Variants in CERS3 observed in about 807,000 individuals in gnomAD.
The protein encoded by CERS3 is ceramide synthase 3.
CERS3 carries 33 observed loss-of-function variants against 50.3 expected under a neutral mutation model. The ratio of observed to expected loss-of-function variants is 0.66; its 90% CI spans 0.50 to 0.88. The LOEUF is 0.88. Ranked by LOEUF, CERS3 falls within the 40% of genes least tolerant of loss-of-function variation. The pLI is 0.00. For missense variants in CERS3, 470 were observed against 460.3 expected, an observed-to-expected ratio of 1.02 and a Z score of -0.19; for synonymous variants, 176 against 155.2, an observed-to-expected ratio of 1.13 and a Z score of -0.99.
At chr15:100,428,968 G>A (rs1389865075) in intron 11 of CERS3, among the ~76,000 whole-genome samples, 1 of 152,238 alleles carries the variant, frequency 6.6e-6, no homozygotes, top group Non-Finnish European at 1.5e-5. Flanking sequence ...CAGAGGCCCT[G>A]CGATGTGAGA....
chr15:100,436,482 G>A (rs983536765), intron 11 of CERS3, among the ~76,000 whole-genome samples: 3 of 152,086 alleles, frequency 2.0e-5, no homozygotes, highest in African/African-American at 7.2e-5. Context: ...GGGCTGGGGG[G>A]CAAGGGGAGG....
At position 100,501,672 on chromosome 15, in the gene CERS3, C is replaced by T; in HGVS notation, c.173+5G>A. 6.2e-7 allele frequency: 1 copy of T among 1,607,900 alleles called. No individual in the cohort carries two copies. On this transcript the variant is annotated splice_donor_5th_base_variant and intron_variant, in intron 3 of 11. Coordinates refer to ENST00000679737, the MANE Select transcript of CERS3 (RefSeq NM_001378789.1). Reference sequence around the variant, plus strand: ...ATGGGAAGGAAAGACACAAGTACTACTTACTTTTCAAATACACGTCTGATA... The same window carrying T: ...ATGGGAAGGAAAGACACAAGTACTATTTACTTTTCAAATACACGTCTGATA...
chr15:100,420,560 G>A (rs527781224), intron 11 of CERS3, among the ~76,000 whole-genome samples: 52 of 152,014 alleles, frequency 3.4e-4, no homozygotes, highest in African/African-American at 1.2e-3. Context: ...GAAAAAGAGG[G>A]AATCCTCCCT....
intron 4 of CERS3, 149 bp from the exon 5 acceptor site, chr15:100,484,817 T>C: frequency 1.6e-6 from 1 of 638,710 alleles, no homozygotes; most frequent in Non-Finnish European, 2.8e-6. Flanking sequence ...ATTTACCTCT[T>C]TTGCTTATGG....
chr15:100,495,446 G>A (rs2035782848), intron 3 of CERS3, among the ~76,000 whole-genome samples: 1 of 152,104 alleles, frequency 6.6e-6, no homozygotes, highest in Non-Finnish European at 1.5e-5. Flanking sequence ...TTGCTTTTAT[G>A]GAAGAAAGAA....
chr15:100,421,257 A>G (rs1328490278), intron 11 of CERS3, among the ~76,000 whole-genome samples: 2 of 149,102 alleles, frequency 1.3e-5, no homozygotes, highest in African/African-American at 2.5e-5. Flanking sequence ...AAATCAATGT[A>G]CAAAAATCAC....
intron 7 of CERS3, among the ~76,000 whole-genome samples, chr15:100,477,644 T>C (rs1257239197): frequency 6.6e-6 from 1 of 152,162 alleles, no homozygotes; most frequent in Non-Finnish European, 1.5e-5. Flanking sequence ...GACCATCCTA[T>C]ACATATCATA....
intron 5 of CERS3, among the ~76,000 whole-genome samples, chr15:100,483,011 G>A (rs1414618707): frequency 3.9e-5 from 6 of 152,136 alleles, no homozygotes; most frequent in Non-Finnish European, 8.8e-5. Context: ...TTTTATTCAT[G>A]GGCCCACTTA....
At chr15:100,484,407 G>C (rs2035424846) in intron 5 of CERS3, 143 bp downstream of exon 5, 1 of 619,416 alleles carries the variant, frequency 1.6e-6, no homozygotes, top group Non-Finnish European at 2.9e-6. Flanking sequence ...GCAAATATGT[G>C]AGGAGCCTAA....
intron 1 of CERS3, among the ~76,000 whole-genome samples, chr15:100,528,166 G>C (rs1035935253): frequency 6.6e-6 from 1 of 152,210 alleles, no homozygotes; most frequent in African/African-American, 2.4e-5. Flanking sequence ...ATCAGAAAAA[G>C]TAGTTTGATT....
At chr15:100,514,459 G>T (rs1434825700) in intron 2 of CERS3, among the ~76,000 whole-genome samples, 1 of 152,108 alleles carries the variant, frequency 6.6e-6, no homozygotes, top group Non-Finnish European at 1.5e-5. Context: ...AATTTTAGGA[G>T]TCACTAAAAT....
chr15:100,489,843 G>A (rs1390076640), intron 4 of CERS3, among the ~76,000 whole-genome samples: 1 of 152,226 alleles, frequency 6.6e-6, no homozygotes, highest in African/African-American at 2.4e-5. Context: ...GTTAGAGCCA[G>A]CTCTCACTTG....
intron 11 of CERS3, among the ~76,000 whole-genome samples, chr15:100,431,123 C>T (rs2033110294): frequency 6.6e-6 from 1 of 152,202 alleles, no homozygotes. Context: ...TGTTAGACCA[C>T]AAACCCTCTC....
intron 11 of CERS3, among the ~76,000 whole-genome samples, chr15:100,453,706 T>G (rs1464791897): frequency 1.3e-5 from 2 of 152,144 alleles, no homozygotes. Context: ...GGATGTCAAA[T>G]TGTCCCTCTT....
chr15:100,421,089 T>C (rs1258822662), intron 11 of CERS3, among the ~76,000 whole-genome samples: 6 of 150,032 alleles, frequency 4.0e-5, no homozygotes, highest in African/African-American at 1.5e-4. Context: ...CCAGGGCAAT[T>C]AGGCAGGAGA....
At chr15:100,501,945 G>T in intron 2 of CERS3, 95 bp from the exon 3 acceptor site, 2 of 1,342,500 alleles carry the variant, frequency 1.5e-6, no homozygotes, top group Non-Finnish European at 2.1e-6. Context: ...GATCCAGAGA[G>T]CTTAGAAAAT....
chr15:100,457,091 G>A (rs1026749498), intron 10 of CERS3, among the ~76,000 whole-genome samples: 1 of 151,840 alleles, frequency 6.6e-6, no homozygotes, highest in African/African-American at 2.4e-5. Flanking sequence ...TGTAACATTG[G>A]GGAAACAAGA....
chr15:100,490,456 G>C (rs1486915527), intron 4 of CERS3, among the ~76,000 whole-genome samples: 2 of 152,110 alleles, frequency 1.3e-5, no homozygotes, highest in Admixed American at 6.5e-5. Flanking sequence ...AAAATTGTCA[G>C]ATATGGGCTT....
At chr15:100,490,570 A>G (rs569659855) in intron 4 of CERS3, among the ~76,000 whole-genome samples, 1 of 152,264 alleles carries the variant, frequency 6.6e-6, no homozygotes, top group Non-Finnish European at 1.5e-5. Flanking sequence ...ACTGATCATT[A>G]GTGCTCTACA....
Sources: allele counts gnomAD v4.1 joint callset (sites outside exome capture counted in the v4.1 genomes callset), GRCh38; gene constraint gnomAD v4.1.1; transcripts MANE v1.5; gene names NCBI Gene and HGNC (gene_info 2026-07-23, HGNC 2026-07-21).